Variants in NKAIN2 observed in about 807,000 individuals in gnomAD.
The protein encoded by NKAIN2 is sodium/potassium transporting ATPase interacting 2, also known as sodium/potassium-transporting ATPase subunit beta-1-interacting protein 2.
A neutral mutation model predicts 32.6 loss-of-function variants in NKAIN2; 14 were observed. That is an observed-to-expected ratio of 0.43 (90% confidence interval 0.28 to 0.67). NKAIN2 has a LOEUF of 0.67. Ranked by LOEUF, NKAIN2 falls within the 30% of genes least tolerant of loss-of-function variation. The probability of loss-of-function intolerance (pLI) is 0.17; values close to 1 mark genes in which losing one functional copy is unlikely to be tolerated. For synonymous variants in NKAIN2, 80 were observed against 87.2 expected, an observed-to-expected ratio of 0.92 and a Z score of 0.46; for missense variants, 198 against 258.3, an observed-to-expected ratio of 0.77 and a Z score of 1.60.
intron 2 of NKAIN2, among the ~76,000 whole-genome samples, chr6:124,323,777 A>ATTTTCTTTTTTTTTTTTTTTTTTTTTT (rs1237658485): frequency 8.7e-6 from 1 of 115,496 alleles, no homozygotes; most frequent in African/African-American, 3.9e-5. Context: ...AATTCTTTTA[A>ATTTTCTTTTTTTTTTTTTTTTTTTTTT]TTTTTTCTTT....
intron 1 of NKAIN2, among the ~76,000 whole-genome samples, chr6:124,174,345 A>G (rs1789052085): frequency 2.0e-5 from 3 of 152,128 alleles, no homozygotes. Context: ...TCTAAACCAA[A>G]CTTCCTCAAG....
chr6:124,755,414 C>A (rs745375631), intron 4 of NKAIN2, among the ~76,000 whole-genome samples: 1 of 152,124 alleles, frequency 6.6e-6, no homozygotes, highest in Non-Finnish European at 1.5e-5. Context: ...TGTCTGGCAA[C>A]ACCCTCATAG....
intron 1 of NKAIN2, among the ~76,000 whole-genome samples, chr6:124,151,096 G>A (rs1299794984): frequency 6.6e-6 from 1 of 151,660 alleles, no homozygotes; most frequent in Non-Finnish European, 1.5e-5. Context: ...CTCCTCTGAT[G>A]GGATCTTCAT....
At position 124,266,414 on chromosome 6, in the gene NKAIN2, A is replaced by G. The variant is rs1174587499; in HGVS notation, c.55-16591A>G. ...CACCTGAGCCTCCCAAGTAGCTGGG[A>G]CTACAGGCACACACCACCACACCCG... On this transcript the variant is annotated intron_variant, in intron 1 of 6. Transcript: ENST00000368417. Among the ~76,000 whole-genome samples the G allele has an allele frequency of 4.6e-5, 7 of 152,206 alleles. No individual in the cohort carries two copies. The East Asian group carries it at 5.8e-4, about 13-fold the overall frequency.
intron 3 of NKAIN2, among the ~76,000 whole-genome samples, chr6:124,383,709 T>A (rs1056076317): frequency 6.6e-6 from 1 of 152,226 alleles, no homozygotes; most frequent in African/African-American, 2.4e-5. Flanking sequence ...TATCATGTAC[T>A]TATCTCTGTT....
At chr6:124,704,871 A>T (rs999818505) in intron 4 of NKAIN2, among the ~76,000 whole-genome samples, 10 of 152,022 alleles carry the variant, frequency 6.6e-5, no homozygotes, top group Admixed American at 6.6e-4. Context: ...AGGGAGTGCT[A>T]TCTGCATTTA....
chr6:124,133,568 A>G (rs1287972741), intron 1 of NKAIN2, among the ~76,000 whole-genome samples: 1 of 152,174 alleles, frequency 6.6e-6, no homozygotes, highest in African/African-American at 2.4e-5. Flanking sequence ...CTTGAAGCCC[A>G]GATCATCAAC....
At chr6:124,535,155 A>C (rs1779669917) in intron 3 of NKAIN2, among the ~76,000 whole-genome samples, 1 of 152,196 alleles carries the variant, frequency 6.6e-6, no homozygotes, top group African/African-American at 2.4e-5. Flanking sequence ...GATTGCACCC[A>C]TAGATGTGGA....
chr6:124,495,277 T>C (rs1026380988), intron 3 of NKAIN2, among the ~76,000 whole-genome samples: 7 of 152,164 alleles, frequency 4.6e-5, no homozygotes, highest in African/African-American at 1.7e-4. Flanking sequence ...ATTTTCAAAT[T>C]TAAAAAATTT....
intron 1 of NKAIN2, among the ~76,000 whole-genome samples, chr6:124,128,109 G>A (rs1392172919): frequency 1.2e-4 from 18 of 152,124 alleles, no homozygotes; most frequent in Admixed American, 9.2e-4. Context: ...GATTACAGGC[G>A]TGAGCCACCG....
intron 1 of NKAIN2, among the ~76,000 whole-genome samples, chr6:124,135,757 T>C (rs1332800849): frequency 6.6e-6 from 1 of 151,926 alleles, no homozygotes; most frequent in African/African-American, 2.4e-5. Flanking sequence ...ATATGAAAAT[T>C]AAATAAACTG....
At chr6:124,480,900 A>G (rs1445288489) in intron 3 of NKAIN2, among the ~76,000 whole-genome samples, 2 of 152,148 alleles carry the variant, frequency 1.3e-5, no homozygotes, top group East Asian at 3.9e-4. Flanking sequence ...AACAACTGAA[A>G]TAAGATATAT....
intron 3 of NKAIN2, among the ~76,000 whole-genome samples, chr6:124,480,408 GT>G (rs1168590522): frequency 6.6e-6 from 1 of 152,086 alleles, no homozygotes; most frequent in Admixed American, 6.6e-5. Flanking sequence ...CCTACGGTAT[GT>G]GGCAAGGAAA....
intron 3 of NKAIN2, among the ~76,000 whole-genome samples, chr6:124,477,205 G>A (rs1307938313): frequency 6.6e-6 from 1 of 152,166 alleles, no homozygotes; most frequent in Middle Eastern, 3.2e-3. Flanking sequence ...GTGGGCATAA[G>A]TCTTAGTCCA....
intron 4 of NKAIN2, among the ~76,000 whole-genome samples, chr6:124,779,436 G>C (rs1779159307): frequency 6.6e-6 from 1 of 152,066 alleles, no homozygotes; most frequent in Non-Finnish European, 1.5e-5. Context: ...ATTTAAATGA[G>C]TTGGTTCAAG....
At chr6:124,160,856 A>G (rs141827768) in intron 1 of NKAIN2, among the ~76,000 whole-genome samples, 1,722 of 152,316 alleles carry the variant, frequency 0.011, 29 homozygotes, top group African/African-American at 0.039. Context: ...CTGCTTTTCC[A>G]TAGGAGTTTC....
intron 1 of NKAIN2, among the ~76,000 whole-genome samples, chr6:123,818,510 C>G (rs1287623627): frequency 6.6e-6 from 1 of 151,970 alleles, no homozygotes; most frequent in Non-Finnish European, 1.5e-5. Context: ...ATTTGATATC[C>G]TAATTCACCA....
At chr6:124,212,430 A>C (rs898984967) in intron 1 of NKAIN2, among the ~76,000 whole-genome samples, 49 of 152,224 alleles carry the variant, frequency 3.2e-4, no homozygotes, top group Admixed American at 1.6e-3. Context: ...ACAGATCTTA[A>C]TAATATTAGT....
intron 3 of NKAIN2, among the ~76,000 whole-genome samples, chr6:124,456,958 C>A (rs1388313616): frequency 6.6e-6 from 1 of 151,862 alleles, no homozygotes; most frequent in Middle Eastern, 3.4e-3. Flanking sequence ...TAAGATGGGA[C>A]TTTACTTGGG....
Sources: gnomAD v4.1 joint callset for allele counts (sites outside exome capture counted in the v4.1 genomes callset) on GRCh38, gnomAD v4.1.1 for gene constraint, MANE v1.5 for transcripts, NCBI Gene and HGNC (gene_info 2026-07-23, HGNC 2026-07-21) for gene names.